ZSCAN4: variants seen among roughly 807,000 people sequenced by gnomAD.
ZSCAN4 encodes zinc finger and SCAN domain containing 4.
In ZSCAN4, 18 loss-of-function variants were observed where a neutral mutation model predicts 18.3. That is an observed-to-expected ratio of 0.98 (90% confidence interval 0.68 to 1.46). ZSCAN4 has a LOEUF of 1.46. Ranked by LOEUF, ZSCAN4 falls within the 40% of genes most tolerant of loss-of-function variation. The pLI is 0.00. For missense variants in ZSCAN4, 498 were observed against 511.4 expected (o/e 0.97, Z 0.25); for synonymous variants, 193 against 180.3 (o/e 1.07, Z -0.57).
exon 2 of ZSCAN4, chr19:57,670,265 A>T (rs1983977629): frequency 6.6e-6 from 1 of 152,286 alleles, no homozygotes; most frequent in African/African-American, 2.4e-5. Context: ...GGTATAGAAC[A>T]CTGTATTAGA....
chr19:57,665,980 A>G (rs1466486106), upstream of ZSCAN4, among the ~76,000 whole-genome samples: 1 of 152,208 alleles, frequency 6.6e-6, no homozygotes. Flanking sequence ...TCATCTTAGG[A>G]CAATTTTTTA....
the ZSCAN4 span, among the ~76,000 whole-genome samples, chr19:57,652,481 A>T: frequency 2.6e-5 from 4 of 151,892 alleles, no homozygotes; most frequent in East Asian, 7.7e-4. Context: ...ACCCACGAAA[A>T]CACCTCCTCT....
At chr19:57,657,345 A>C in the ZSCAN4 span, among the ~76,000 whole-genome samples, 2 of 152,174 alleles carry the variant, frequency 1.3e-5, no homozygotes, top group South Asian at 4.1e-4. Flanking sequence ...TAAAGATGAT[A>C]TATGAATGGT....
At chr19:57,672,602 AT>A (rs1388227499) in intron 2 of ZSCAN4, among the ~76,000 whole-genome samples, 3 of 129,708 alleles carry the variant, frequency 2.3e-5, no homozygotes, top group East Asian at 2.3e-4. Flanking sequence ...TCACATAGTT[AT>A]CTTTTTTTTT....
exon 5 of ZSCAN4, chr19:57,678,400 T>A (rs1377097654): frequency 3.2e-5 from 52 of 1,613,930 alleles, no homozygotes; most frequent in Non-Finnish European, 4.2e-5. Context: ...TTCCAAGGTG[T>A]CCCTATGGTG....
chr19:57,663,271 C>T, the ZSCAN4 span, among the ~76,000 whole-genome samples: 3 of 151,714 alleles, frequency 2.0e-5, no homozygotes, highest in Admixed American at 6.6e-5. Context: ...AAAATCACTT[C>T]TATATTTCAA....
At chr19:57,677,914 G>A in exon 4 of ZSCAN4, 1 of 1,532,964 alleles carries the variant, frequency 6.5e-7, no homozygotes, top group East Asian at 2.3e-5. Flanking sequence ...TTCTTTACAG[G>A]TCCACGTCCA....
In ZSCAN4 at chr19:57,676,565, G is replaced by A. The variant is rs571419255; in HGVS notation, c.396+24G>A. 1.9e-5 allele frequency: 30 copies of A among 1,570,002 alleles called. No homozygotes were observed. In the East Asian group the frequency reaches 6.8e-4, roughly 35 times the overall value. On this transcript the variant is annotated intron_variant, in intron 3 of 4. Coordinates refer to ENST00000318203, the Ensembl canonical transcript of ZSCAN4. The stretch of plus-strand genomic sequence containing the variant: ...TAGTGAGTACAGGGTTCTAACTTCT[G>A]GGATGAGAGACAAAGGAAAGTAAGG...
rs1984242871 is a variant in ZSCAN4 at position 57,678,038 on chromosome 19, C to T, written c.521C>T (p.Pro174Leu). Residue 174 changes from proline (P) to leucine (L), a missense_variant, in exon 4 of 5, where the codon CCC (proline) becomes CTC (leucine). By Grantham distance (98) the Pro-to-Leu change is moderately conservative. Transcript: ENST00000318203. ...ACAAGAGAAGCAAACATGGGGACACCCTCCCAGACTTCCCAAGATACTTCC... is the reference window on the plus strand; with the variant it reads ...ACAAGAGAAGCAAACATGGGGACACTCTCCCAGACTTCCCAAGATACTTCC... The T allele has an allele frequency of 1.9e-6, 3 of 1,590,596 alleles. No individual in the cohort carries two copies. The Admixed American group carries it at 5.5e-5, about 29-fold the overall frequency.
At chr19:57,665,748 T>C (rs947452202), upstream of ZSCAN4, among the ~76,000 whole-genome samples, 1 of 151,968 alleles carries the variant, frequency 6.6e-6, no homozygotes, top group African/African-American at 2.4e-5. Context: ...AGAAACCCCA[T>C]CTCTACTAAA....
At chr19:57,671,578 G>A (rs1984024646) in intron 2 of ZSCAN4, among the ~76,000 whole-genome samples, 1 of 152,112 alleles carries the variant, frequency 6.6e-6, no homozygotes, top group South Asian at 2.1e-4. Flanking sequence ...TGGAGCTTGA[G>A]AAGTGTAGAG....
At chr19:57,677,872 A>G in intron 3 of ZSCAN4, 42 bp from the exon 4 acceptor site, 1 of 1,488,204 alleles carries the variant, frequency 6.7e-7, no homozygotes, top group African/African-American at 1.4e-5. Context: ...CTTCTGTTAC[A>G]CAACAGATTC....
upstream of ZSCAN4, among the ~76,000 whole-genome samples, chr19:57,666,349 T>C (rs1054924391): frequency 2.0e-5 from 3 of 152,122 alleles, no homozygotes; most frequent in African/African-American, 7.2e-5. Flanking sequence ...TTTCCTTCTC[T>C]TTACGACTGT....
At chr19:57,663,893 A>G in the ZSCAN4 span, among the ~76,000 whole-genome samples, 7 of 152,100 alleles carry the variant, frequency 4.6e-5, no homozygotes. Flanking sequence ...GTGGGAGGCC[A>G]AGGCAGGCGG....
chr19:57,654,456 TC>T, the ZSCAN4 span, among the ~76,000 whole-genome samples: 1 of 151,988 alleles, frequency 6.6e-6, no homozygotes, highest in African/African-American at 2.4e-5. Flanking sequence ...TCAAAACCCT[TC>T]TACATTCCTT....
the ZSCAN4 span, among the ~76,000 whole-genome samples, chr19:57,663,260 A>AC: frequency 1.3e-3 from 191 of 151,750 alleles, 3 homozygotes; most frequent in Non-Finnish European, 3.5e-4. Flanking sequence ...TGAGGCAAAA[A>AC]AAAATCACTT....
chr19:57,658,833 C>CAA, the ZSCAN4 span, among the ~76,000 whole-genome samples: 3,844 of 68,516 alleles, frequency 0.056, 223 homozygotes, highest in African/African-American at 0.13. Context: ...GACTGTGTCT[C>CAA]AAAAAAAAAA....
upstream of ZSCAN4, among the ~76,000 whole-genome samples, chr19:57,667,819 C>G (rs2122284238): frequency 6.6e-6 from 1 of 152,306 alleles, no homozygotes; most frequent in Middle Eastern, 3.4e-3. Context: ...TGCTTTCAAC[C>G]CACCACAAAT....
At chr19:57,677,629 G>A (rs988497021) in intron 3 of ZSCAN4, among the ~76,000 whole-genome samples, 1 of 152,158 alleles carries the variant, frequency 6.6e-6, no homozygotes, top group African/African-American at 2.4e-5. Flanking sequence ...ACAAACTCAT[G>A]TATTGATCAG....
Sources: allele counts gnomAD v4.1 joint callset (sites outside exome capture counted in the v4.1 genomes callset), GRCh38; gene constraint gnomAD v4.1.1; transcripts MANE v1.5; gene names NCBI Gene and HGNC (gene_info 2026-07-23, HGNC 2026-07-21).